The following COL5A2 variants were observed in gnomAD, a reference collection of about 807,000 sequenced individuals.
COL5A2 encodes the protein collagen type V alpha 2 chain, also known as collagen alpha-2(V) chain.
A neutral mutation model predicts 208.2 loss-of-function variants in COL5A2; 23 were observed. The observed-to-expected ratio is 0.11, with a 90% CI of 0.08 to 0.16. The LOEUF is 0.16. Among genes scored for constraint, COL5A2 ranks in the 10% least tolerant of loss-of-function variants. The pLI, the probability that COL5A2 is intolerant of heterozygous loss-of-function variation, is 1.00. For missense variants in COL5A2, 1,590 were observed against 1,956.4 expected, an observed-to-expected ratio of 0.81 and a Z score of 3.53; for synonymous variants, 625 against 628.5, an observed-to-expected ratio of 0.99 and a Z score of 0.08.
At chr2:189,198,250 A>T (rs1689031139) in intron 1 of COL5A2, among the ~76,000 whole-genome samples, 2 of 152,192 alleles carry the variant, frequency 1.3e-5, no homozygotes, top group African/African-American at 4.8e-5. Flanking sequence ...AATAAATATA[A>T]AGATGTATAA....
chr2:189,062,166 T>A (rs1686046567), intron 29 of COL5A2, among the ~76,000 whole-genome samples: 1 of 139,580 alleles, frequency 7.2e-6, no homozygotes, highest in African/African-American at 2.7e-5. Flanking sequence ...TTTTATGTCC[T>A]AAAAAATACC....
the COL5A2 span, among the ~76,000 whole-genome samples, chr2:189,421,588 C>T: frequency 6.6e-6 from 1 of 152,098 alleles, no homozygotes; most frequent in African/African-American, 2.4e-5. Flanking sequence ...AACACAGGGA[C>T]CACCACAGTA....
chr2:189,138,487 C>T (rs577147940), intron 1 of COL5A2, among the ~76,000 whole-genome samples: 2 of 152,026 alleles, frequency 1.3e-5, no homozygotes, highest in Admixed American at 6.6e-5. Context: ...TTTGTATATA[C>T]AACTATTAGT....
chr2:189,406,617 T>C, the COL5A2 span, among the ~76,000 whole-genome samples: 3 of 152,192 alleles, frequency 2.0e-5, no homozygotes, highest in Admixed American at 6.6e-5. Flanking sequence ...CTAAACATGA[T>C]TGACACAGAT....
At chr2:189,243,279 GA>G in the COL5A2 span, among the ~76,000 whole-genome samples, 2 of 152,188 alleles carry the variant, frequency 1.3e-5, no homozygotes, top group East Asian at 1.9e-4. Flanking sequence ...GTTCAATCTA[GA>G]AAAAATCTAA....
At chr2:189,081,735 G>A (rs1686538514) in intron 12 of COL5A2, among the ~76,000 whole-genome samples, 1 of 152,090 alleles carries the variant, frequency 6.6e-6, no homozygotes, top group African/African-American at 2.4e-5. Context: ...CTTAATTTCT[G>A]CAAATTCTAT....
the COL5A2 span, among the ~76,000 whole-genome samples, chr2:189,234,861 A>T: frequency 1.3e-5 from 2 of 151,762 alleles, no homozygotes; most frequent in Non-Finnish European, 2.9e-5. Context: ...TATAGTGTAA[A>T]CCACATTTAT....
rs768584034 is a variant in COL5A2 at position 189,068,109 on chromosome 2, G to A, written c.1307C>T (p.Ser436Phe). Residue 436 changes from serine to phenylalanine, a missense_variant, in exon 21 of 54, where the codon TCT (serine) becomes TTT (phenylalanine). Ser to Phe is a radical substitution (Grantham distance 155). Transcript: ENST00000374866. ...GTPGAKGPTG[S>F]PGTSGPPGSA... ...GCCAGGAGGACCAGAGGTACCTGGA[G>A]AGCCCTATTAAACAGCAAGAGTGAT... The A allele has an allele frequency of 2.5e-6, 4 of 1,613,212 alleles. No individual in the cohort carries two copies. The highest frequency in any genetic ancestry group is 3.3e-5 in the Admixed American group (2 of 59,976).
chr2:189,362,986 T>A, the COL5A2 span, among the ~76,000 whole-genome samples: 1 of 151,976 alleles, frequency 6.6e-6, no homozygotes, highest in African/African-American at 2.4e-5. Flanking sequence ...TATGCATAAG[T>A]TCCTAGACTA....
intron 31 of COL5A2, among the ~76,000 whole-genome samples, 190 bp from the exon 32 acceptor site, chr2:189,059,083 C>T (rs1685965585): frequency 6.6e-6 from 1 of 152,012 alleles, no homozygotes; most frequent in African/African-American, 2.4e-5. Flanking sequence ...TAGATGAAAA[C>T]ATTTTTCCAA....
the COL5A2 span, chr2:189,311,781 A>T: frequency 1.2e-6 from 1 of 861,082 alleles, no homozygotes; most frequent in Non-Finnish European, 2.0e-6. Context: ...AAGCCAGCTC[A>T]TCACATTGGA....
intron 1 of COL5A2, among the ~76,000 whole-genome samples, chr2:189,222,654 G>A (rs189610287): frequency 6.6e-6 from 1 of 152,126 alleles, no homozygotes; most frequent in African/African-American, 2.4e-5. Flanking sequence ...AGAGAAACTA[G>A]GCTGGGCACT....
intron 1 of COL5A2, among the ~76,000 whole-genome samples, chr2:189,160,746 T>C (rs1383820772): frequency 2.0e-5 from 3 of 152,138 alleles, no homozygotes; most frequent in Non-Finnish European, 2.9e-5. Flanking sequence ...TTAAAGTAGT[T>C]GTAGTTTTCT....
Position 189,039,419 on chromosome 2 carries a change from C to A in COL5A2, c.3778G>T (p.Asp1260Tyr), listed in dbSNP as rs751326385. 6.2e-7 allele frequency: 1 copy of A among 1,613,992 alleles called. No individual in the cohort carries two copies. Among genetic ancestry groups the A allele is most frequent in the South Asian group, 1.1e-5 (1 of 91,060 alleles). ...ACCCCTGGGTCCGTTTTGTTTTTGT[C>A]ATCAGGAGCCGCCTGATCTTCAGTA... Reference protein sequence around the residue: ...EFTEDQAAPDDKNKTDPGVHA... With the variant: ...EFTEDQAAPDYKNKTDPGVHA... Residue 1260 changes from aspartate to tyrosine, a missense_variant, in exon 51 of 54, where the codon GAC (aspartate) becomes TAC (tyrosine). By Grantham distance (160) the Asp-to-Tyr change is radical. Coordinates refer to ENST00000374866, the MANE Select transcript of COL5A2 (RefSeq NM_000393.5).
chr2:189,041,213 C>A (rs897853381), intron 50 of COL5A2, among the ~76,000 whole-genome samples: 2 of 152,206 alleles, frequency 1.3e-5, no homozygotes, highest in African/African-American at 4.8e-5. Context: ...CAATTTCATA[C>A]TCTTCATTGT....
chr2:189,033,986 G>T lies in COL5A2; in HGVS notation c.*84C>A. The T allele has an allele frequency of 6.3e-7, 1 of 1,579,296 alleles. No individual in the cohort carries two copies. On this transcript the variant is annotated 3_prime_UTR_variant, in exon 54 of 54. Transcript: ENST00000374866. ...ATCAGCCATTACTTCAAGAGTCTCA[G>T]GATCAACTTCAAACAGTCAAAGTTC...
intron 1 of COL5A2, among the ~76,000 whole-genome samples, chr2:189,147,715 G>A (rs558851457): frequency 2.3e-4 from 35 of 152,150 alleles, no homozygotes; most frequent in African/African-American, 7.7e-4. Flanking sequence ...GTGCTATAAC[G>A]TCTCTAGAAA....
At chr2:189,396,445 G>A in the COL5A2 span, among the ~76,000 whole-genome samples, 2 of 151,868 alleles carry the variant, frequency 1.3e-5, no homozygotes, top group Admixed American at 6.6e-5. Flanking sequence ...AGGCTGAGGC[G>A]GGTGAATCAC....
chr2:189,394,126 T>C, the COL5A2 span, among the ~76,000 whole-genome samples: 1 of 152,186 alleles, frequency 6.6e-6, no homozygotes, highest in Non-Finnish European at 1.5e-5. Flanking sequence ...TTGTGTATTC[T>C]TTCCAAGGGA....
Sources: allele counts gnomAD v4.1 joint callset (sites outside exome capture counted in the v4.1 genomes callset), GRCh38; gene constraint gnomAD v4.1.1; transcripts MANE v1.5; gene names NCBI Gene and HGNC (gene_info 2026-07-23, HGNC 2026-07-21).